Variants in ZFR observed in about 807,000 individuals in gnomAD.
ZFR encodes the protein zinc finger RNA-binding protein.
A neutral mutation model predicts 130.7 loss-of-function variants in ZFR; 19 were observed. The observed-to-expected ratio is 0.15, with a 90% confidence interval of 0.10 to 0.21. The LOEUF (loss-of-function observed/expected upper bound fraction) is 0.21. Among genes scored for constraint, ZFR ranks in the 10% least tolerant of loss-of-function variants. The pLI, the probability that ZFR is intolerant of heterozygous loss-of-function variation, is 1.00. For missense variants in ZFR, 872 were observed against 1,321.5 expected (o/e 0.66, Z 5.27); for synonymous variants, 466 against 456.9 (o/e 1.02, Z -0.25).
At chr5:32,356,002 C>T (rs1752298676) in intron 19 of ZFR, 63 bp from the exon 20 acceptor site, 6 of 1,340,816 alleles carry the variant, frequency 4.5e-6, no homozygotes, top group Non-Finnish European at 6.0e-6. Context: ...ATACTTACTA[C>T]ATTTACCTCC....
chr5:32,378,772 A>G (rs1752879551), intron 17 of ZFR, among the ~76,000 whole-genome samples: 1 of 152,020 alleles, frequency 6.6e-6, no homozygotes, highest in South Asian at 2.1e-4. Flanking sequence ...ATTTTAAAAA[A>G]TGTCCCTGCA....
chr5:32,403,258 G>A lies in ZFR; in HGVS notation c.1364C>T (p.Thr455Ile). ...CGTTGCAACTGATGACGTATTCACAGTACAATTGTTTGCTGCAATGCTTGA... is the reference window on the plus strand; with the variant it reads ...CGTTGCAACTGATGACGTATTCACAATACAATTGTTTGCTGCAATGCTTGA... ...SPSSIAANNC[T>I]VNTSSVATSS... Residue 455 changes from threonine to isoleucine, a missense_variant, in exon 8 of 20, where the codon ACT (threonine) becomes ATT (isoleucine). Physicochemically the swap from Thr to Ile is moderately conservative, Grantham distance 89 (BLOSUM62 -1). Transcript: ENST00000265069. 1 of 1,614,178 alleles carries A rather than the reference G, an allele frequency of 6.2e-7. No homozygotes were observed.
intron 2 of ZFR, among the ~76,000 whole-genome samples, chr5:32,431,835 T>C (rs1754231706): frequency 6.6e-6 from 1 of 152,020 alleles, no homozygotes; most frequent in African/African-American, 2.4e-5. Flanking sequence ...TTTATTCTTT[T>C]TGTTTTGTTT....
At chr5:32,412,967 A>C (rs2111802206) in intron 5 of ZFR, among the ~76,000 whole-genome samples, 1 of 152,272 alleles carries the variant, frequency 6.6e-6, no homozygotes, top group East Asian at 1.9e-4. Flanking sequence ...AGGTGGGCGG[A>C]TCACTTGAGG....
chr5:32,425,058 GAA>G (rs2111835991), intron 2 of ZFR, among the ~76,000 whole-genome samples: 2 of 152,254 alleles, frequency 1.3e-5, no homozygotes, highest in South Asian at 4.2e-4. Flanking sequence ...GGAGAAATGA[GAA>G]GAGAGCATAT....
chr5:32,365,478 T>C (rs1752521457), intron 17 of ZFR, among the ~76,000 whole-genome samples: 1 of 152,102 alleles, frequency 6.6e-6, no homozygotes, highest in African/African-American at 2.4e-5. Context: ...ATAATGAATA[T>C]TAATAGTGAT....
chr5:32,395,918 G>C (rs1225559159), intron 10 of ZFR, among the ~76,000 whole-genome samples: 1 of 152,148 alleles, frequency 6.6e-6, no homozygotes, highest in African/African-American at 2.4e-5. Context: ...CTGGTCATTA[G>C]TAGGCTTTTA....
At position 32,368,434 on chromosome 5, in the gene ZFR, C is replaced by T. The variant is rs779764090; in HGVS notation, c.2836-4159G>A. Among the ~76,000 whole-genome samples, 33 of 152,154 alleles carry T rather than the reference C, an allele frequency of 2.2e-4. 1 individual carries two copies. Among genetic ancestry groups the T allele is most frequent in the Non-Finnish European group, 7.3e-5 (5 of 68,032 alleles). On this transcript the variant is annotated intron_variant, in intron 17 of 19. Coordinates refer to ENST00000265069, the MANE Select transcript of ZFR (RefSeq NM_016107.5). ...ATTTTTAGTAGAGATGGGAGTTTCT[C>T]CATATCGGTCAGGCTGGTCTTGAAC...
In ZFR at chr5:32,378,975, C is replaced by A. The variant is rs1752883958; in HGVS notation, c.2835+140G>T. ...GAGAAAATTAAACATTCTAAGACTC[C>A]CCCAGGATTTTTCATCAGAAAAGAA... On this transcript the variant is annotated intron_variant, in intron 17 of 19. Coordinates refer to ENST00000265069, the MANE Select transcript of ZFR (RefSeq NM_016107.5). 8.7e-6 allele frequency: 5 copies of A among 574,578 alleles called. No homozygotes were observed. The South Asian group carries it at 1.4e-4, about 16-fold the overall frequency. 35.6% of individuals were successfully genotyped at this position (574,578 alleles called of 1,614,324 possible).
chr5:32,396,276 C>T (rs1157581723), intron 10 of ZFR, among the ~76,000 whole-genome samples: 1 of 151,088 alleles, frequency 6.6e-6, no homozygotes, highest in Non-Finnish European at 1.5e-5. Context: ...CCATGTTGTT[C>T]AAGGGTCAAC....
chr5:32,372,214 C>A (rs896488448), intron 17 of ZFR, among the ~76,000 whole-genome samples: 6 of 152,058 alleles, frequency 3.9e-5, no homozygotes, highest in Admixed American at 6.5e-5. Flanking sequence ...GAAGAGTTAT[C>A]AAAAAAGGTG....
chr5:32,382,493 T>C (rs1267086551), intron 15 of ZFR, among the ~76,000 whole-genome samples: 1 of 152,266 alleles, frequency 6.6e-6, no homozygotes. Context: ...ATTTCTAATG[T>C]TAATTCACAA....
intron 17 of ZFR, among the ~76,000 whole-genome samples, chr5:32,372,837 A>G (rs1307242114): frequency 6.6e-6 from 1 of 152,144 alleles, no homozygotes; most frequent in Non-Finnish European, 1.5e-5. Flanking sequence ...TTGGTCTCAA[A>G]AAAACAAACA....
At chr5:32,427,397 GGAAAA>G (rs1754098000) in intron 2 of ZFR, among the ~76,000 whole-genome samples, 1 of 130,084 alleles carries the variant, frequency 7.7e-6, no homozygotes, top group East Asian at 2.1e-4. Context: ...AAAAAAAAAA[GGAAAA>G]GAAAAGAAAA....
intron 5 of ZFR, among the ~76,000 whole-genome samples, chr5:32,411,316 A>T (rs1753702722): frequency 6.6e-6 from 1 of 152,174 alleles, no homozygotes; most frequent in South Asian, 2.1e-4. Flanking sequence ...CAAAGAGAGA[A>T]ATGAGAGTAA....
intron 2 of ZFR, among the ~76,000 whole-genome samples, chr5:32,441,135 A>T (rs1754464090): frequency 6.6e-6 from 1 of 152,058 alleles, no homozygotes; most frequent in Non-Finnish European, 1.5e-5. Flanking sequence ...CACCATGCCC[A>T]GCTAACTTTT....
At chr5:32,444,585 G>T (rs536585184) in intron 1 of ZFR, 37 bp downstream of exon 1, 3 of 1,468,072 alleles carry the variant, frequency 2.0e-6, no homozygotes, top group East Asian at 6.0e-5. Flanking sequence ...CCAGGGAGGG[G>T]GCCGGGCAGA....
At chr5:32,439,257 A>G (rs1754407839) in intron 2 of ZFR, among the ~76,000 whole-genome samples, 1 of 152,232 alleles carries the variant, frequency 6.6e-6, no homozygotes, top group Non-Finnish European at 1.5e-5. Context: ...TAAAGCCAGT[A>G]AATTTCCATC....
intron 2 of ZFR, among the ~76,000 whole-genome samples, chr5:32,436,754 G>GT (rs1053675207): frequency 1.3e-5 from 2 of 152,194 alleles, no homozygotes; most frequent in African/African-American, 4.8e-5. Flanking sequence ...GGTTACAGGT[G>GT]TGAGTCACTG....
Sources: allele counts gnomAD v4.1 joint callset (sites outside exome capture counted in the v4.1 genomes callset), GRCh38; gene constraint gnomAD v4.1.1; transcripts MANE v1.5; gene names NCBI Gene and HGNC (gene_info 2026-07-23, HGNC 2026-07-21).